PCDHGA5: variants seen among roughly 807,000 people sequenced by gnomAD.
The protein encoded by PCDHGA5 is protocadherin gamma subfamily A, 5, also known as protocadherin gamma-A5.
PCDHGA5 carries 36 observed loss-of-function variants against 56.7 expected under a neutral mutation model. That is an observed-to-expected ratio of 0.64 (90% CI 0.49 to 0.84). The LOEUF (loss-of-function observed/expected upper bound fraction) is 0.84. Among genes scored for constraint, PCDHGA5 ranks in the 40% least tolerant of loss-of-function variants. The probability of loss-of-function intolerance (pLI) is 0.00; values close to 1 mark genes in which losing one functional copy is unlikely to be tolerated. For missense variants in PCDHGA5, 1,305 were observed against 1,201.5 expected (o/e 1.09, Z -1.27); for synonymous variants, 563 against 520.2 (o/e 1.08, Z -1.12).
At chr5:141,402,221 G>T (rs567791316) in intron 1 of PCDHGA5, among the ~76,000 whole-genome samples, 1 of 151,824 alleles carries the variant, frequency 6.6e-6, no homozygotes, top group East Asian at 1.9e-4. Flanking sequence ...TAAAATAAAC[G>T]TTTTTCCAGG....
At chr5:141,419,170 C>T (rs758796140) in intron 1 of PCDHGA5, 4 of 1,613,966 alleles carry the variant, frequency 2.5e-6, no homozygotes, top group Non-Finnish European at 3.4e-6. Context: ...CCAGCAAAAC[C>T]ATAACCCTGC....
At position 141,389,024 on chromosome 5, in the gene PCDHGA5, G is replaced by T. The variant is rs776063645; in HGVS notation, c.2421+22273G>T. On this transcript the variant is annotated intron_variant, in intron 1 of 3. Transcript: ENST00000518069. ...AGGATTCCAGACACAATGGAGAAGT[G>T]ACTTGTAAATTGGAAGGTGATGTTC... 4 of 1,613,948 alleles carry T rather than the reference G, an allele frequency of 2.5e-6. No homozygotes were observed. The South Asian group carries it at 4.4e-5, about 18-fold the overall frequency.
intron 1 of PCDHGA5, chr5:141,415,738 AGGTTTTTT>A: frequency 1.9e-6 from 1 of 538,082 alleles, no homozygotes; most frequent in Non-Finnish European, 2.7e-6. Flanking sequence ...ATGTTTATTA[AGGTTTTTT>A]TTTTTTTTTT....
At chr5:141,407,590 T>C (rs186034148) in intron 1 of PCDHGA5, among the ~76,000 whole-genome samples, 64 of 152,240 alleles carry the variant, frequency 4.2e-4, no homozygotes, top group Non-Finnish European at 7.1e-4. Context: ...CCTTAATGTC[T>C]CATCTTAAAA....
chr5:141,385,378 C>G, intron 1 of PCDHGA5: 3 of 1,519,118 alleles, frequency 2.0e-6, no homozygotes, highest in Non-Finnish European at 2.6e-6. Flanking sequence ...TGATATTTCT[C>G]TATTATTTTG....
intron 1 of PCDHGA5, chr5:141,427,797 G>T: frequency 6.6e-7 from 1 of 1,505,306 alleles, no homozygotes; most frequent in Non-Finnish European, 9.1e-7. Flanking sequence ...CTACGTGTCC[G>T]TGAGCGCACA....
chr5:141,375,966 C>T lies in PCDHGA5; in HGVS notation c.2421+9215C>T, dbSNP rs373365863. ...GGCCTGCACACGGGCGAGGTGCGCACGGCGCGCGCCCTGCTGGACAGAGAC... is the reference window on the plus strand; with the variant it reads ...GGCCTGCACACGGGCGAGGTGCGCATGGCGCGCGCCCTGCTGGACAGAGAC... On this transcript the variant is annotated intron_variant, in intron 1 of 3. Transcript: ENST00000518069. 30 of 1,613,374 alleles carry T rather than the reference C, an allele frequency of 1.9e-5. No individual in the cohort carries two copies. The Admixed American group carries it at 2.3e-4, about 13-fold the overall frequency.
intron 1 of PCDHGA5, among the ~76,000 whole-genome samples, chr5:141,451,644 G>A (rs1730833205): frequency 6.6e-6 from 1 of 152,178 alleles, no homozygotes; most frequent in Non-Finnish European, 1.5e-5. Context: ...CACTCTGAGA[G>A]GCCAAGGAGG....
At chr5:141,452,201 T>G (rs552947721) in intron 1 of PCDHGA5, among the ~76,000 whole-genome samples, 131 of 152,376 alleles carry the variant, frequency 8.6e-4, no homozygotes, top group Middle Eastern at 6.8e-3. Context: ...TTGTTTTAGA[T>G]GTTACCAATA....
At chr5:141,385,294 G>C (rs1781091106) in intron 1 of PCDHGA5, 2 of 1,613,150 alleles carry the variant, frequency 1.2e-6, no homozygotes, top group Non-Finnish European at 1.7e-6. Context: ...AGATTTTCAG[G>C]AATGTAAAGA....
rs765249445 is a variant in PCDHGA5, at chr5:141,489,754, C to T, written c.2422-5053C>T. ...CACCAATACTGTGAGCTTTTACACT[C>T]TAAGCCCCAACAGCCACTTCTCTCT... is the stretch of plus-strand genomic sequence containing the variant. On this transcript the variant is annotated intron_variant, in intron 1 of 3. Coordinates refer to ENST00000518069, the MANE Select transcript of PCDHGA5 (RefSeq NM_018918.3). The surrounding 1 kb of genome is among the most constrained non-coding windows in gnomAD (Gnocchi z 4.5). The T allele has an allele frequency of 4.0e-5, 64 of 1,613,992 alleles. No individual in the cohort carries two copies. The South Asian group carries it at 6.8e-4, about 17-fold the overall frequency.
Position 141,408,181 on chromosome 5 carries a change from C to G in PCDHGA5, c.2421+41430C>G, listed in dbSNP as rs1304952667. ...TTTCTCCAACTGGAAAAGCGGGGAC[C>G]CAGCGAGAACCCGAGCGAACGATGG... On this transcript the variant is annotated intron_variant, in intron 1 of 3. Coordinates refer to ENST00000518069, the MANE Select transcript of PCDHGA5 (RefSeq NM_018918.3). The G allele has an allele frequency of 1.6e-5, 24 of 1,536,932 alleles. No individual in the cohort carries two copies. In the East Asian group the frequency reaches 5.6e-4, roughly 36 times the overall value.
At chr5:141,415,482 G>A in intron 1 of PCDHGA5, 1 of 1,614,218 alleles carries the variant, frequency 6.2e-7, no homozygotes, top group Non-Finnish European at 8.5e-7. Flanking sequence ...ACTCGCGAAA[G>A]AGTCACCTGA....
At chr5:141,404,780 A>G (rs746373854) in intron 1 of PCDHGA5, 2 of 1,612,764 alleles carry the variant, frequency 1.2e-6, no homozygotes, top group African/African-American at 1.3e-5. Flanking sequence ...CCGCCTATTC[A>G]AGGCCAGTGA....
chr5:141,374,339 A>C, intron 1 of PCDHGA5: 1 of 1,614,006 alleles, frequency 6.2e-7, no homozygotes, highest in Non-Finnish European at 8.5e-7. Context: ...CAGCTTGGTC[A>C]CCGCGGGTAG....
intron 1 of PCDHGA5, chr5:141,418,797 A>T (rs201246978): frequency 1.9e-6 from 3 of 1,613,896 alleles, no homozygotes; most frequent in Non-Finnish European, 2.5e-6. Flanking sequence ...GAAGAAGTAG[A>T]AAGATATACG....
At chr5:141,400,756 C>G (rs1220648843) in intron 1 of PCDHGA5, 1 of 584,890 alleles carries the variant, frequency 1.7e-6, no homozygotes, top group African/African-American at 1.9e-5. Context: ...AGCTTCCTCT[C>G]TAGCAAAAAC....
At chr5:141,383,161 G>T (rs774337554) in intron 1 of PCDHGA5, 1 of 1,614,052 alleles carries the variant, frequency 6.2e-7, no homozygotes, top group East Asian at 2.2e-5. Flanking sequence ...GGTCACTGCG[G>T]GCAGGATAGA....
rs1477534800 is a variant in PCDHGA5, at chr5:141,404,988, A to G, written c.2421+38237A>G. The G allele has an allele frequency of 5.0e-6, 8 of 1,613,868 alleles. 1 individual carries two copies. The South Asian group carries it at 7.7e-5, about 16-fold the overall frequency. On this transcript the variant is annotated intron_variant, in intron 1 of 3. Coordinates refer to ENST00000518069, the MANE Select transcript of PCDHGA5 (RefSeq NM_018918.3). ...ATCCTGGCTGACCTGGGCAGTCTTCAGATCCCTGCAGACCTGGAGGCCTCA... is the reference window on the plus strand; with the variant it reads ...ATCCTGGCTGACCTGGGCAGTCTTCGGATCCCTGCAGACCTGGAGGCCTCA...
Sources: gnomAD v4.1 joint callset for allele counts (sites outside exome capture counted in the v4.1 genomes callset) on GRCh38, gnomAD v4.1.1 for gene constraint, Gnocchi (gnomAD v3.1) non-coding constraint, MANE v1.5 for transcripts, NCBI Gene and HGNC (gene_info 2026-07-23, HGNC 2026-07-21) for gene names.